The following KCNH7 variants were observed in gnomAD, a reference collection of about 807,000 sequenced individuals.
KCNH7 encodes the protein voltage-gated inwardly rectifying potassium channel KCNH7.
In KCNH7, 49 loss-of-function variants were observed where a neutral mutation model predicts 120.8. The observed-to-expected ratio is 0.41, with a 90% CI of 0.32 to 0.51. The LOEUF (loss-of-function observed/expected upper bound fraction) is 0.51, where lower values mean the gene tolerates loss of function less well. Among genes scored for constraint, KCNH7 ranks in the 20% least tolerant of loss-of-function variants. KCNH7 has a pLI of 0.38. For missense variants in KCNH7, 1,097 were observed against 1,446.6 expected (o/e 0.76, Z 3.92); for synonymous variants, 547 against 516.1 (o/e 1.06, Z -0.81).
At position 162,420,574 on chromosome 2, in the gene KCNH7, C is replaced by T. The variant is rs534115181; in HGVS notation, c.2154+2762G>A. On this transcript the variant is annotated intron_variant, in intron 9 of 15. Coordinates refer to ENST00000332142, the MANE Select transcript of KCNH7 (RefSeq NM_033272.4). ...GCTTTTACACAAAAAGCAAAAGATG[C>T]AGGGATTAAAGGATATGGCCACTCT... 7.9e-5 allele frequency among the ~76,000 whole-genome samples: 12 copies of T among 152,246 alleles called. No individual in the cohort carries two copies. In the East Asian group the frequency reaches 1.7e-3, roughly 22 times the overall value.
intron 14 of KCNH7, among the ~76,000 whole-genome samples, chr2:162,378,351 TAC>T (rs1431348507): frequency 1.3e-5 from 2 of 152,218 alleles, no homozygotes; most frequent in African/African-American, 4.8e-5. Context: ...CAATTGCAAG[TAC>T]AGTGATAGCA....
At chr2:162,700,847 G>A (rs1255085152) in intron 2 of KCNH7, among the ~76,000 whole-genome samples, 1 of 152,172 alleles carries the variant, frequency 6.6e-6, no homozygotes, top group Non-Finnish European at 1.5e-5. Flanking sequence ...GGATGAACAT[G>A]ATACAACAAA....
At chr2:162,532,282 GAC>G (rs1691949545) in intron 3 of KCNH7, among the ~76,000 whole-genome samples, 1 of 151,848 alleles carries the variant, frequency 6.6e-6, no homozygotes, top group African/African-American at 2.4e-5. Context: ...GGAGTGTTGG[GAC>G]ACTTATTAAA....
intron 2 of KCNH7, among the ~76,000 whole-genome samples, chr2:162,807,060 A>G (rs1684564439): frequency 6.6e-6 from 1 of 151,740 alleles, no homozygotes; most frequent in South Asian, 2.1e-4. Context: ...ATAAGAAATT[A>G]TAATATCAAA....
chr2:162,692,863 G>A (rs1475916161), intron 2 of KCNH7, among the ~76,000 whole-genome samples: 1 of 152,126 alleles, frequency 6.6e-6, no homozygotes, highest in South Asian at 2.1e-4. Context: ...CACACCAAGA[G>A]TAATCCAGCA....
chr2:162,691,070 C>G lies in KCNH7; in HGVS notation c.307+145467G>C, dbSNP rs1574271406. Among the ~76,000 whole-genome samples, 3 of 152,174 alleles carry G rather than the reference C, an allele frequency of 2.0e-5. No individual in the cohort carries two copies. The Middle Eastern group carries it at 0.01, about 518-fold the overall frequency. ...GATAGGGACTGACTACTAAATTAACCAACAATAACAACAATCAGATAGCTC... is the reference window on the plus strand; with the variant it reads ...GATAGGGACTGACTACTAAATTAACGAACAATAACAACAATCAGATAGCTC... On this transcript the variant is annotated intron_variant, in intron 2 of 15. Coordinates refer to ENST00000332142, the MANE Select transcript of KCNH7 (RefSeq NM_033272.4).
intron 2 of KCNH7, among the ~76,000 whole-genome samples, chr2:162,743,125 T>C (rs1351783551): frequency 1.3e-5 from 2 of 152,112 alleles, no homozygotes; most frequent in Non-Finnish European, 2.9e-5. Flanking sequence ...CCCTGTTAGT[T>C]GCTATATACC....
chr2:162,725,790 C>T (rs1489605347), intron 2 of KCNH7, among the ~76,000 whole-genome samples: 2 of 152,108 alleles, frequency 1.3e-5, no homozygotes, highest in South Asian at 2.1e-4. Flanking sequence ...AGTAAAAACA[C>T]CCCATGTAGA....
intron 6 of KCNH7, among the ~76,000 whole-genome samples, chr2:162,504,133 A>G (rs568490986): frequency 8.7e-4 from 132 of 152,150 alleles, no homozygotes; most frequent in African/African-American, 2.9e-3. Flanking sequence ...TGTTTTAATA[A>G]TGTGAGAGTT....
At chr2:162,457,878 A>T (rs1438755041) in intron 6 of KCNH7, among the ~76,000 whole-genome samples, 1 of 152,156 alleles carries the variant, frequency 6.6e-6, no homozygotes, top group East Asian at 1.9e-4. Context: ...ATGATTTGTG[A>T]AAAACAGCCA....
chr2:162,577,084 T>TA (rs199917198), intron 2 of KCNH7, among the ~76,000 whole-genome samples: 5 of 151,734 alleles, frequency 3.3e-5, no homozygotes, highest in Non-Finnish European at 5.9e-5. Context: ...CCCAGATAAT[T>TA]AAAAAATTTT....
chr2:162,380,009 A>C lies in KCNH7; in HGVS notation c.2975T>G (p.Met992Arg), dbSNP rs1686358709. Residue 992 changes from methionine to arginine, a missense_variant, in exon 14 of 16, where the codon ATG becomes AGG. Physicochemically the swap from Met to Arg is moderately conservative, Grantham distance 91 (BLOSUM62 -1). This residue lies in a region of KCNH7 where 406 missense variants were observed against 410.5 expected (regional missense o/e 0.99). Coordinates refer to ENST00000332142, the MANE Select transcript of KCNH7 (RefSeq NM_033272.4). ...TGCATTTTCTCGTTCCCAGCTTCGCATGTCAGTGATATCTGTGGAAAATAG... is the reference window on the plus strand; with the variant it reads ...TGCATTTTCTCGTTCCCAGCTTCGCCTGTCAGTGATATCTGTGGAAAATAG... ...RSHSCKDITD[M>R]RSWERENAHP... 1.2e-6 allele frequency: 2 copies of C among 1,613,936 alleles called. No homozygotes were observed. The highest frequency in any genetic ancestry group is 1.7e-6 in the Non-Finnish European group (2 of 1,179,874).
At chr2:162,525,355 C>G (rs918772863) in intron 3 of KCNH7, among the ~76,000 whole-genome samples, 3 of 151,812 alleles carry the variant, frequency 2.0e-5, no homozygotes, top group African/African-American at 7.3e-5. Flanking sequence ...CAAATGTTGA[C>G]AATATCTGAG....
At chr2:162,755,695 A>G (rs2105441870) in intron 2 of KCNH7, among the ~76,000 whole-genome samples, 1 of 152,256 alleles carries the variant, frequency 6.6e-6, no homozygotes, top group Non-Finnish European at 1.5e-5. Flanking sequence ...AACAATTTCA[A>G]TCCAATACAG....
At chr2:162,410,996 G>A (rs151080290) in intron 9 of KCNH7, among the ~76,000 whole-genome samples, 9 of 152,060 alleles carry the variant, frequency 5.9e-5, no homozygotes, top group Non-Finnish European at 8.8e-5. Context: ...TGTACACTGC[G>A]GGTGGAAAAT....
chr2:162,672,953 G>T (rs1685409138), intron 2 of KCNH7, among the ~76,000 whole-genome samples: 1 of 151,910 alleles, frequency 6.6e-6, no homozygotes, highest in Admixed American at 6.6e-5. Context: ...TGCAAATTTA[G>T]ATGCACTGGA....
chr2:162,837,053 G>T (rs1006026968), intron 1 of KCNH7, among the ~76,000 whole-genome samples: 2 of 152,066 alleles, frequency 1.3e-5, no homozygotes, highest in African/African-American at 4.8e-5. Flanking sequence ...CAACTGCGGG[G>T]GTTCCTAGTG....
At chr2:162,529,140 C>T (rs1006061497) in intron 3 of KCNH7, among the ~76,000 whole-genome samples, 2 of 151,832 alleles carry the variant, frequency 1.3e-5, no homozygotes, top group South Asian at 2.1e-4. Flanking sequence ...GTAAGTAAGC[C>T]TAAAGAAAGA....
intron 2 of KCNH7, among the ~76,000 whole-genome samples, chr2:162,612,841 T>C (rs1206340046): frequency 6.6e-6 from 1 of 151,818 alleles, no homozygotes; most frequent in Non-Finnish European, 1.5e-5. Context: ...AAATGGAAAA[T>C]CCACTGGAAA....
Sources: gnomAD v4.1 joint callset for allele counts (sites outside exome capture counted in the v4.1 genomes callset) on GRCh38, gnomAD v4.1.1 for gene constraint, gnomAD v4.1.1 regional missense constraint, MANE v1.5 for transcripts, NCBI Gene and HGNC (gene_info 2026-07-23, HGNC 2026-07-21) for gene names.